Variants in STX8 observed in about 807,000 individuals in gnomAD.
STX8 encodes the protein syntaxin 8.
STX8 carries 23 observed loss-of-function variants against 37.5 expected under a neutral mutation model. That is an observed-to-expected ratio of 0.61 (90% CI 0.44 to 0.87). The LOEUF is 0.87. STX8 is among the 40% of genes least tolerant of loss of function. The pLI is 0.00. For missense variants in STX8, 313 were observed against 284.7 expected, an observed-to-expected ratio of 1.10 and a Z score of -0.71; for synonymous variants, 115 against 99.1, an observed-to-expected ratio of 1.16 and a Z score of -0.95.
chr17:9,278,477 T>C (rs568458094), intron 7 of STX8, among the ~76,000 whole-genome samples: 1 of 151,950 alleles, frequency 6.6e-6, no homozygotes, highest in Non-Finnish European at 1.5e-5. Context: ...AGAAACATAC[T>C]TTAGAATGCC....
chr17:9,387,515 G>GAT (rs2142297651), intron 6 of STX8, among the ~76,000 whole-genome samples: 1 of 152,262 alleles, frequency 6.6e-6, no homozygotes, highest in Non-Finnish European at 1.5e-5. Flanking sequence ...AGATGGTCTC[G>GAT]ATCTCCTGAC....
chr17:9,419,896 T>C (rs1288065002), intron 6 of STX8, among the ~76,000 whole-genome samples: 1 of 152,196 alleles, frequency 6.6e-6, no homozygotes, highest in Non-Finnish European at 1.5e-5. Context: ...GTAGAAACCT[T>C]TTCTTTTGGC....
intron 2 of STX8, among the ~76,000 whole-genome samples, chr17:9,559,732 TTTTA>T (rs1388939049): frequency 2.1e-5 from 1 of 46,542 alleles, no homozygotes; most frequent in African/African-American, 7.0e-5. Flanking sequence ...ATTATTATTA[TTTTA>T]TATATATATA....
intron 7 of STX8, among the ~76,000 whole-genome samples, chr17:9,259,885 T>G (rs1038916617): frequency 1.8e-4 from 28 of 152,046 alleles, no homozygotes. Flanking sequence ...CGTCTGGCCA[T>G]GCTGCATAAA....
At chr17:9,302,983 A>G (rs1908838745) in intron 7 of STX8, among the ~76,000 whole-genome samples, 1 of 141,382 alleles carries the variant, frequency 7.1e-6, no homozygotes, top group African/African-American at 2.9e-5. Context: ...TAGATCTAAT[A>G]TAGATTAAAA....
intron 7 of STX8, among the ~76,000 whole-genome samples, chr17:9,300,831 T>TA (rs11382365): frequency 2.5e-5 from 1 of 40,224 alleles, no homozygotes; most frequent in Non-Finnish European, 6.2e-5. Flanking sequence ...TATTTTGTTC[T>TA]TTTTTTTTTT....
intron 6 of STX8, among the ~76,000 whole-genome samples, chr17:9,458,110 C>A (rs536107454): frequency 2.0e-5 from 3 of 152,240 alleles, no homozygotes; most frequent in Non-Finnish European, 4.4e-5. Context: ...ATGGTTACCT[C>A]TGCATATACT....
chr17:9,469,768 A>G (rs2041947851), intron 6 of STX8: 1 of 152,244 alleles, frequency 6.6e-6, no homozygotes, highest in South Asian at 2.1e-4. Context: ...GAGATGGCCA[A>G]GTTTGGAATG....
chr17:9,317,503 C>T (rs538181147), intron 7 of STX8, among the ~76,000 whole-genome samples: 145 of 152,296 alleles, frequency 9.5e-4, no homozygotes, highest in Middle Eastern at 3.4e-3. Context: ...CGGTGGCTCA[C>T]GCCTGGAATC....
intron 7 of STX8, among the ~76,000 whole-genome samples, chr17:9,348,895 A>ATG (rs1910614209): frequency 6.6e-6 from 1 of 152,218 alleles, no homozygotes; most frequent in Non-Finnish European, 1.5e-5. Context: ...TCCCTTATGC[A>ATG]TGGAGGACGC....
intron 7 of STX8, among the ~76,000 whole-genome samples, chr17:9,310,957 G>A (rs1324163998): frequency 1.3e-5 from 2 of 152,012 alleles, no homozygotes; most frequent in East Asian, 1.9e-4. Context: ...AGGAGGAGTC[G>A]GCCGGGTGCA....
chr17:9,329,488 A>G (rs1203399980), intron 7 of STX8, among the ~76,000 whole-genome samples: 1 of 152,176 alleles, frequency 6.6e-6, no homozygotes, highest in African/African-American at 2.4e-5. Flanking sequence ...GGTGAGGGAC[A>G]CTGGATCCAG....
At chr17:9,494,892 A>G (rs1904330923) in intron 5 of STX8, among the ~76,000 whole-genome samples, 1 of 152,062 alleles carries the variant, frequency 6.6e-6, no homozygotes, top group African/African-American at 2.4e-5. Flanking sequence ...TGTGAAGCTG[A>G]GTGTAATGAC....
chr17:9,354,479 G>T (rs1326674032), intron 7 of STX8, among the ~76,000 whole-genome samples: 1 of 151,844 alleles, frequency 6.6e-6, no homozygotes, highest in East Asian at 1.9e-4. Flanking sequence ...GTGCCAACAT[G>T]CCTGGCTAAT....
At chr17:9,373,153 A>G (rs898902688) in intron 7 of STX8, among the ~76,000 whole-genome samples, 2 of 151,756 alleles carry the variant, frequency 1.3e-5, no homozygotes, top group Non-Finnish European at 2.9e-5. Flanking sequence ...GAAAAAGAAA[A>G]TACTGGAAAG....
rs182172753 is a variant in STX8 at position 9,476,050 on chromosome 17, A to G, written c.541+15779T>C. 5.2e-3 allele frequency among the ~76,000 whole-genome samples: 785 copies of G among 152,328 alleles called. 5 individuals carry two copies. Among genetic ancestry groups the G allele is most frequent in the South Asian group, 0.03 (147 of 4,826 alleles). ...AAAAATCAGCTGGGTATGGTGGCAC[A>G]TGCTTGTAATCCCAACTACTCAGGA... is the stretch of plus-strand genomic sequence containing the variant. On this transcript the variant is annotated intron_variant, in intron 6 of 7. Transcript: ENST00000306357.
chr17:9,297,599 A>G (rs1908613459), intron 7 of STX8, among the ~76,000 whole-genome samples: 1 of 152,216 alleles, frequency 6.6e-6, no homozygotes, highest in African/African-American at 2.4e-5. Context: ...CGGATGCAGT[A>G]GCTCACGCCT....
At chr17:9,379,110 T>G (rs1911702013) in intron 6 of STX8, among the ~76,000 whole-genome samples, 1 of 151,920 alleles carries the variant, frequency 6.6e-6, no homozygotes, top group South Asian at 2.1e-4. Context: ...CCGGGTGTGG[T>G]GGTGTGCACC....
chr17:9,268,922 T>G (rs971877295), intron 7 of STX8, among the ~76,000 whole-genome samples: 1 of 152,192 alleles, frequency 6.6e-6, no homozygotes, highest in African/African-American at 2.4e-5. Context: ...GTGCAGTGGC[T>G]CACGCCTGTA....
Sources: gnomAD v4.1 joint callset for allele counts (sites outside exome capture counted in the v4.1 genomes callset) on GRCh38, gnomAD v4.1.1 for gene constraint, MANE v1.5 for transcripts, NCBI Gene and HGNC (gene_info 2026-07-23, HGNC 2026-07-21) for gene names.